SRGAP2B: variants seen among roughly 807,000 people sequenced by gnomAD.
SRGAP2B encodes SLIT-ROBO Rho GTPase activating protein 2B, also known as SLIT-ROBO Rho GTPase-activating protein 2B.
In SRGAP2B, 9 loss-of-function variants were observed where a neutral mutation model predicts 22.2. That is an observed-to-expected ratio of 0.41 (90% confidence interval 0.24 to 0.71). The LOEUF is 0.71. SRGAP2B is among the 30% of genes least tolerant of loss of function. The pLI, the probability that SRGAP2B is intolerant of heterozygous loss-of-function variation, is 0.35. For synonymous variants in SRGAP2B, 36 were observed against 87.4 expected, an observed-to-expected ratio of 0.41 and a Z score of 3.28; for missense variants, 114 against 235.8, an observed-to-expected ratio of 0.48 and a Z score of 3.38.
At chr1:145,030,721 A>AATATATAT (rs1161032950) in intron 2 of SRGAP2B, among the ~76,000 whole-genome samples, 5 of 14,496 alleles carry the variant, frequency 3.4e-4, no homozygotes, top group Middle Eastern at 0.05. Flanking sequence ...AAAAAAAAAA[A>AATATATAT]ATATATATAT....
intron 4 of SRGAP2B, among the ~76,000 whole-genome samples, chr1:144,953,462 T>C (rs1466785050): frequency 6.6e-6 from 1 of 150,388 alleles, no homozygotes; most frequent in African/African-American, 2.4e-5. Flanking sequence ...TTCAGTGAAA[T>C]GTAATATATA....
chr1:144,945,842 A>T lies in SRGAP2B; in HGVS notation c.423+9597T>A, dbSNP rs368424865. On this transcript the variant is annotated intron_variant, in intron 4 of 9. Transcript: ENST00000612199. Reference sequence around the variant, plus strand: ...AATGGTTACCCTTCAGAGAGTAATGACTTGAAGTGGAGAGAAGGAGGGTTC... The same window carrying T: ...AATGGTTACCCTTCAGAGAGTAATGTCTTGAAGTGGAGAGAAGGAGGGTTC... 3.0e-3 allele frequency among the ~76,000 whole-genome samples: 233 copies of T among 78,822 alleles called. 1 individual carries two copies. The South Asian group carries it at 0.053, about 18-fold the overall frequency. 51.7% of individuals were successfully genotyped at this position (78,822 alleles called of 152,430 possible). A position where few individuals can be genotyped will look rare whatever the true frequency, so the allele number is the denominator to read the frequency against.
At chr1:144,920,380 C>T (rs1553604187) in intron 4 of SRGAP2B, among the ~76,000 whole-genome samples, 1 of 150,422 alleles carries the variant, frequency 6.6e-6, no homozygotes. Flanking sequence ...TCACGTGATC[C>T]TCCTCCCTCA....
intron 3 of SRGAP2B, among the ~76,000 whole-genome samples, chr1:144,962,995 T>C (rs1470655356): frequency 6.6e-6 from 1 of 150,696 alleles, no homozygotes; most frequent in Non-Finnish European, 1.5e-5. Flanking sequence ...CATCTTATCC[T>C]GGTCTTGTGG....
intron 4 of SRGAP2B, among the ~76,000 whole-genome samples, chr1:144,923,173 T>C (rs1664376680): frequency 6.6e-6 from 1 of 150,652 alleles, no homozygotes; most frequent in African/African-American, 2.5e-5. Flanking sequence ...CCATGGTTGT[T>C]CCAATCTCTT....
At position 144,990,771 on chromosome 1, in the gene SRGAP2B, C is replaced by A. The variant is rs1200905150; in HGVS notation, c.260+4237G>T. On this transcript the variant is annotated intron_variant, in intron 3 of 9. Transcript: ENST00000612199. ...GCCGGCCAGCCCTGCTGGCCCCGGG[C>A]AATGGGGGACTTAGCACCCGGGCCA... Among the ~76,000 whole-genome samples the A allele has an allele frequency of 2.0e-5, 3 of 151,238 alleles. 1 individual carries two copies. The highest frequency in any genetic ancestry group is 4.4e-5 in the Non-Finnish European group (3 of 67,988).
At chr1:144,967,479 C>T (rs1396737846) in intron 3 of SRGAP2B, among the ~76,000 whole-genome samples, 43 of 142,570 alleles carry the variant, frequency 3.0e-4, no homozygotes, top group Non-Finnish European at 5.0e-4. Context: ...ATCTCTGGGA[C>T]GCATTCAAAG....
intron 3 of SRGAP2B, among the ~76,000 whole-genome samples, chr1:144,992,047 T>C (rs1232716152): frequency 6.7e-6 from 1 of 149,578 alleles, no homozygotes; most frequent in East Asian, 1.9e-4. Context: ...ACTGCAAAGA[T>C]CTGCAGCTTC....
At position 145,030,414 on chromosome 1, in the gene SRGAP2B, G is replaced by A. The variant is rs1648141606; in HGVS notation, c.68-35214C>T. Among the ~76,000 whole-genome samples the A allele has an allele frequency of 1.4e-5, 2 of 145,314 alleles. 1 individual carries two copies. Among genetic ancestry groups the A allele is most frequent in the South Asian group, 4.3e-4 (2 of 4,684 alleles). ...GAGTTCAAGTCCTTTGTAGGGACAT[G>A]GATGAAACCATCATTCTGAGCAAAC... On this transcript the variant is annotated intron_variant, in intron 2 of 9. Transcript: ENST00000612199.
At chr1:145,041,074 A>ATATAT (rs1649178121) in intron 2 of SRGAP2B, among the ~76,000 whole-genome samples, 6 of 73,338 alleles carry the variant, frequency 8.2e-5, no homozygotes, top group African/African-American at 4.5e-4. Flanking sequence ...GTATATATAT[A>ATATAT]GTATATATAT....
intron 2 of SRGAP2B, among the ~76,000 whole-genome samples, chr1:145,045,240 C>T (rs1301599978): frequency 1.8e-5 from 2 of 110,600 alleles, no homozygotes; most frequent in Non-Finnish European, 3.6e-5. Flanking sequence ...GAGCTTGCAG[C>T]GAGCCGAGAT....
chr1:145,017,501 C>A (rs1553623431), intron 2 of SRGAP2B, among the ~76,000 whole-genome samples: 1 of 149,886 alleles, frequency 6.7e-6, no homozygotes, highest in Non-Finnish European at 1.5e-5. Flanking sequence ...ACCCGTATCC[C>A]AGTTCTTTAT....
intron 4 of SRGAP2B, among the ~76,000 whole-genome samples, chr1:144,926,722 C>T (rs1330778883): frequency 0.012 from 1,569 of 132,020 alleles, no homozygotes; most frequent in African/African-American, 0.042. Flanking sequence ...GGCATGGTGG[C>T]ACACACCTCT....
intron 3 of SRGAP2B, among the ~76,000 whole-genome samples, chr1:144,980,134 C>T (rs1669213297): frequency 6.7e-6 from 1 of 149,214 alleles, no homozygotes; most frequent in Non-Finnish European, 1.5e-5. Context: ...TTAACTGTGC[C>T]TGCCTTCCTG....
At chr1:144,907,796 C>A (rs1408754330) in intron 5 of SRGAP2B, among the ~76,000 whole-genome samples, 1 of 150,456 alleles carries the variant, frequency 6.6e-6, no homozygotes, top group Non-Finnish European at 1.5e-5. Context: ...GTATACTAAT[C>A]TAGCCCCTAC....
At chr1:144,944,718 TA>T (rs1666357411) in intron 4 of SRGAP2B, among the ~76,000 whole-genome samples, 4 of 146,438 alleles carry the variant, frequency 2.7e-5, no homozygotes, top group Admixed American at 1.4e-4. Flanking sequence ...TTTATTTATT[TA>T]TTTATTTTTT....
intron 2 of SRGAP2B, among the ~76,000 whole-genome samples, chr1:145,047,161 G>A (rs1398175288): frequency 8.8e-6 from 1 of 113,624 alleles, no homozygotes; most frequent in Non-Finnish European, 1.7e-5. Context: ...GGGCAACAGA[G>A]CAAGACTCTG....
chr1:145,076,182 A>G (rs1652487948), intron 2 of SRGAP2B, among the ~76,000 whole-genome samples: 1 of 150,164 alleles, frequency 6.7e-6, no homozygotes, highest in South Asian at 2.1e-4. Flanking sequence ...TGCCATTACA[A>G]AAAACTACCT....
At chr1:144,945,626 A>C (rs1666439886) in intron 4 of SRGAP2B, among the ~76,000 whole-genome samples, 2 of 149,936 alleles carry the variant, frequency 1.3e-5, no homozygotes, top group South Asian at 4.2e-4. Context: ...AACAAACAAA[A>C]AGATGATATA....
Sources: allele counts gnomAD v4.1 joint callset (sites outside exome capture counted in the v4.1 genomes callset), GRCh38; gene constraint gnomAD v4.1.1; transcripts MANE v1.5; gene names NCBI Gene and HGNC (gene_info 2026-07-23, HGNC 2026-07-21).